The following CDC42BPA variants were observed in gnomAD, a reference collection of about 807,000 sequenced individuals.
CDC42BPA encodes the protein CDC42 binding protein kinase alpha, also known as serine/threonine-protein kinase MRCK alpha.
CDC42BPA carries 80 observed loss-of-function variants against 223.5 expected under a neutral mutation model. The observed-to-expected ratio is 0.36, with a 90% CI of 0.30 to 0.43. The LOEUF (loss-of-function observed/expected upper bound fraction) is 0.43, where lower values mean the gene tolerates loss of function less well. Among genes scored for constraint, CDC42BPA ranks in the 20% least tolerant of loss-of-function variants. The pLI is 1.00. For missense variants in CDC42BPA, 1,743 were observed against 2,099.9 expected (o/e 0.83, Z 3.32); for synonymous variants, 694 against 718.6 (o/e 0.97, Z 0.55).
chr1:227,018,894 T>G (rs141318848), intron 32 of CDC42BPA, among the ~76,000 whole-genome samples: 205 of 152,352 alleles, frequency 1.3e-3, no homozygotes, highest in African/African-American at 4.4e-3. Flanking sequence ...TTCACCTTCA[T>G]GAGTCATATT....
chr1:227,126,496 GAAGGAAGGAAGGAAGGAAGGAAGGTAAGA>G (rs1197088857), intron 11 of CDC42BPA, among the ~76,000 whole-genome samples: 60 of 122,398 alleles, frequency 4.9e-4, no homozygotes, highest in African/African-American at 1.4e-3. Context: ...AGGAAGGAAG[GAAGGAAGGAAGGAAGGAAGGAAGGTAAGA>G]AAGGAAAAAG....
intron 1 of CDC42BPA, among the ~76,000 whole-genome samples, chr1:227,304,266 CA>C (rs1692173068): frequency 6.6e-6 from 1 of 152,016 alleles, no homozygotes; most frequent in Admixed American, 6.6e-5. Context: ...ATCAGCCAGG[CA>C]TAGTAGCACA....
chr1:227,124,938 G>A (rs898495888), intron 11 of CDC42BPA, among the ~76,000 whole-genome samples: 13 of 152,004 alleles, frequency 8.6e-5, no homozygotes, highest in Non-Finnish European at 2.9e-5. Flanking sequence ...AACATAAGAC[G>A]ACTCCGAAAT....
chr1:227,072,246 T>C lies in CDC42BPA; in HGVS notation c.2789A>G (p.Gln930Arg). ...AAGCTCTTCAGTGTCCTTTATCAGC[T>C]GTTCGATTTCTGAGAGTAGTTCCAA... ...KNLELLSEIE[Q>R]LIKDTEELRS... is the part of the protein sequence containing the mutation. Residue 930 changes from glutamine to arginine, a missense_variant, in exon 20 of 37, where the codon CAG becomes CGG. Physicochemically the swap from Gln to Arg is conservative, Grantham distance 43. Coordinates refer to ENST00000366766, the MANE Select transcript of CDC42BPA (RefSeq NM_001394014.1). 1 of 1,610,184 alleles carries C rather than the reference T, an allele frequency of 6.2e-7. No homozygotes were observed. Among genetic ancestry groups the C allele is most frequent in the Non-Finnish European group, 8.5e-7 (1 of 1,176,946 alleles).
chr1:227,094,090 G>C (rs778122480), intron 15 of CDC42BPA, among the ~76,000 whole-genome samples: 74 of 152,192 alleles, frequency 4.9e-4, no homozygotes, highest in Non-Finnish European at 9.7e-4. Flanking sequence ...GCAGAGACTA[G>C]ATATAAAAGC....
intron 34 of CDC42BPA, among the ~76,000 whole-genome samples, chr1:227,011,439 T>C (rs910325885): frequency 2.0e-5 from 3 of 152,158 alleles, no homozygotes; most frequent in Non-Finnish European, 2.9e-5. Context: ...AGCAAGAACA[T>C]GAACAAGTGA....
rs2148867233 is a variant in CDC42BPA at position 227,317,295 on chromosome 1, A to AT, written c.-114_-113insA. 2 of 1,135,202 alleles carry AT rather than the reference A, an allele frequency of 1.8e-6. No individual in the cohort carries two copies. Among genetic ancestry groups the AT allele is most frequent in the East Asian group, 4.9e-5 (2 of 40,750 alleles). The allele number at this position is 1,135,202 out of a possible 1,614,324, so 70.3% of individuals were successfully genotyped here. ...TAAAAATAAACCACTTGTTATTCAA[A>AT]CAACTGTCATGCAATGCTGGTGCTG... On this transcript the variant is annotated 5_prime_UTR_variant, in exon 1 of 37. An upstream open reading frame in the 5' UTR gains an earlier in-frame stop. Coordinates refer to ENST00000366766, the MANE Select transcript of CDC42BPA (RefSeq NM_001394014.1).
intron 10 of CDC42BPA, among the ~76,000 whole-genome samples, chr1:227,129,971 T>TA (rs1335818346): frequency 2.0e-5 from 3 of 152,088 alleles, no homozygotes; most frequent in Non-Finnish European, 4.4e-5. Context: ...CAGCTACAGG[T>TA]AACCATGGCT....
chr1:227,288,986 C>A (rs757655661), intron 1 of CDC42BPA, among the ~76,000 whole-genome samples: 3 of 151,012 alleles, frequency 2.0e-5, no homozygotes, highest in East Asian at 2.0e-4. Flanking sequence ...AAGAGCAAAA[C>A]TCTTGTTTCA....
chr1:227,041,472 T>C (rs1029628548), intron 23 of CDC42BPA, among the ~76,000 whole-genome samples: 4 of 152,152 alleles, frequency 2.6e-5, no homozygotes, highest in African/African-American at 9.7e-5. Flanking sequence ...TTTTAAAAGG[T>C]TATCAAGTAG....
intron 2 of CDC42BPA, among the ~76,000 whole-genome samples, chr1:227,233,742 G>A (rs1572529431): frequency 6.6e-6 from 1 of 152,186 alleles, no homozygotes. Flanking sequence ...AGATCAGCCT[G>A]GTCAACATGG....
chr1:227,188,012 A>G (rs946955991), intron 5 of CDC42BPA, among the ~76,000 whole-genome samples: 2 of 152,128 alleles, frequency 1.3e-5, no homozygotes, highest in Admixed American at 6.5e-5. Flanking sequence ...GAAAAATTGA[A>G]AAGTTCTTCA....
At chr1:227,160,260 A>C (rs1312529351) in intron 6 of CDC42BPA, among the ~76,000 whole-genome samples, 1 of 152,226 alleles carries the variant, frequency 6.6e-6, no homozygotes, top group Non-Finnish European at 1.5e-5. Context: ...TCTAAAGTAC[A>C]ACAGAAGTCA....
chr1:227,294,300 ATAAC>A (rs993717866), intron 1 of CDC42BPA, among the ~76,000 whole-genome samples: 1 of 152,100 alleles, frequency 6.6e-6, no homozygotes, highest in African/African-American at 2.4e-5. Flanking sequence ...TATCTAATAA[ATAAC>A]TGTGTATTTA....
intron 2 of CDC42BPA, among the ~76,000 whole-genome samples, chr1:227,216,124 A>G (rs61834586): frequency 2.2e-5 from 3 of 137,206 alleles, no homozygotes; most frequent in Non-Finnish European, 4.7e-5. Context: ...CTCTCTCTAT[A>G]TATATATATA....
intron 1 of CDC42BPA, among the ~76,000 whole-genome samples, chr1:227,257,295 A>AT (rs1558886233): frequency 6.6e-5 from 10 of 151,658 alleles, no homozygotes; most frequent in African/African-American, 2.2e-4. Context: ...AATATAATTT[A>AT]ATGCCACTGA....
chr1:227,190,493 T>C (rs566594257), intron 5 of CDC42BPA, among the ~76,000 whole-genome samples: 4 of 152,336 alleles, frequency 2.6e-5, no homozygotes, highest in Admixed American at 2.6e-4. Flanking sequence ...TCACTGTAAT[T>C]TGCTTGTATA....
intron 12 of CDC42BPA, among the ~76,000 whole-genome samples, chr1:227,118,486 G>A (rs1430922998): frequency 6.6e-6 from 1 of 152,010 alleles, no homozygotes; most frequent in Admixed American, 6.6e-5. Flanking sequence ...TCCTTTATTG[G>A]TATAATCTGT....
In CDC42BPA at chr1:227,029,282, T is replaced by C. The variant is rs934768883; in HGVS notation, c.3839-32A>G. 18 of 1,369,900 alleles carry C rather than the reference T, an allele frequency of 1.3e-5. No individual in the cohort carries two copies. In the African/African-American group the frequency reaches 1.5e-4, roughly 11 times the overall value. The allele number at this position is 1,369,900 out of a possible 1,614,324, so 84.9% of individuals were successfully genotyped here. On this transcript the variant is annotated intron_variant, in intron 29 of 36. Transcript: ENST00000366766. ...ACAGAAAGAATAATAAATCAAAATA[T>C]AGTTTTATTGATTAATCATATCCCA...
Sources: gnomAD v4.1 joint callset for allele counts (sites outside exome capture counted in the v4.1 genomes callset) on GRCh38, gnomAD v4.1.1 for gene constraint, MANE v1.5 for transcripts, NCBI Gene and HGNC (gene_info 2026-07-23, HGNC 2026-07-21) for gene names.